NLRP1: variants seen among roughly 807,000 people sequenced by gnomAD.
NLRP1 encodes the protein NACHT, LRR and PYD domains-containing protein 1.
In NLRP1, 94 loss-of-function variants were observed where a neutral mutation model predicts 136.7. That is an observed-to-expected ratio of 0.69 (90% CI 0.58 to 0.82). The LOEUF (loss-of-function observed/expected upper bound fraction) is 0.82. NLRP1 is among the 40% of genes least tolerant of loss of function. The pLI is 0.00. For synonymous variants in NLRP1, 690 were observed against 725.1 expected, an observed-to-expected ratio of 0.95 and a Z score of 0.78; for missense variants, 1,575 against 1,802.7, an observed-to-expected ratio of 0.87 and a Z score of 2.29.
chr17:5,519,033 C>T (rs1908523186), intron 14 of NLRP1, among the ~76,000 whole-genome samples: 1 of 148,626 alleles, frequency 6.7e-6, no homozygotes, highest in Non-Finnish European at 1.5e-5. Context: ...GACGGAGTCT[C>T]GCTCTGTCGC....
chr17:5,503,255 T>C (rs1406453888), intron 15 of NLRP1: 3 of 152,170 alleles, frequency 2.0e-5, no homozygotes, highest in Non-Finnish European at 4.4e-5. Context: ...GGAAGAGCTT[T>C]ATGTAAGGCT....
chr17:5,511,902 T>C (rs1907667210), downstream of NLRP1: 2 of 195,502 alleles, frequency 1.0e-5, no homozygotes, highest in South Asian at 2.8e-4. Context: ...CTGTTGAAAA[T>C]TGTTTTTGAC....
At chr17:5,527,424 A>G (rs1409637725) in intron 12 of NLRP1, among the ~76,000 whole-genome samples, 2 of 152,154 alleles carry the variant, frequency 1.3e-5, no homozygotes, top group African/African-American at 4.8e-5. Flanking sequence ...GGTGAGGCTC[A>G]GAATTTGGTC....
intron 16 of NLRP1, 49 bp downstream of exon 16, chr17:5,515,406 CCCCCAGAACCAGACAGTA>C (rs1422648478): frequency 7.6e-7 from 1 of 1,316,340 alleles, no homozygotes; most frequent in Non-Finnish European, 1.1e-6. Context: ...CTCTTCCCTT[CCCCCAGAACCAGACAGTA>C]CCCCAGAACT....
intron 3 of NLRP1, among the ~76,000 whole-genome samples, chr17:5,580,266 C>A (rs1331382684): frequency 6.6e-6 from 1 of 151,832 alleles, no homozygotes; most frequent in Non-Finnish European, 1.5e-5. Context: ...CAAAAAACAA[C>A]AAACAAAAAA....
At chr17:5,567,649 C>T in intron 3 of NLRP1, among the ~76,000 whole-genome samples, 1 of 152,048 alleles carries the variant, frequency 6.6e-6, no homozygotes, top group East Asian at 1.9e-4. Flanking sequence ...GGTGTACTTA[C>T]TATTATGAGT....
At chr17:5,536,604 C>T (rs1480408694) in intron 8 of NLRP1, among the ~76,000 whole-genome samples, 5 of 152,158 alleles carry the variant, frequency 3.3e-5, no homozygotes, top group Non-Finnish European at 7.3e-5. Context: ...GCACCCGCCA[C>T]CACGCCTGGC....
At chr17:5,581,436 G>A (rs1035881118) in intron 3 of NLRP1, among the ~76,000 whole-genome samples, 16 of 152,172 alleles carry the variant, frequency 1.1e-4, no homozygotes, top group Admixed American at 1.3e-4. Context: ...CAATGTACAC[G>A]TAAAGCCCTG....
At position 5,559,523 on chromosome 17, in the gene NLRP1, A is replaced by G; in HGVS notation, c.1173T>C (p.Thr391=). The G allele has an allele frequency of 6.2e-7, 1 of 1,614,128 alleles. No homozygotes were observed. Among genetic ancestry groups the G allele is most frequent in the Non-Finnish European group, 8.5e-7 (1 of 1,179,984 alleles). ...ACAGGATCTGTCTAATGGGAGCCGGAGTGGCTGTCCCATCTTTTCCGATGA... is the reference window on the plus strand; with the variant it reads ...ACAGGATCTGTCTAATGGGAGCCGGGGTGGCTGTCCCATCTTTTCCGATGA... ...AELIGKDGTA[T]PAPIRQILSR... is the part of the protein sequence containing the mutation. Residue 391 remains threonine (T), a synonymous_variant, in exon 4 of 17, where the codon ACT becomes ACC. Transcript: ENST00000572272.
chr17:5,555,611 C>G (rs1913950357), intron 4 of NLRP1, among the ~76,000 whole-genome samples: 1 of 152,088 alleles, frequency 6.6e-6, no homozygotes, highest in African/African-American at 2.4e-5. Context: ...TTGAAGATTT[C>G]CCACCTGTCC....
downstream of NLRP1, among the ~76,000 whole-genome samples, chr17:5,511,232 A>T (rs1597387951): frequency 6.6e-6 from 1 of 152,018 alleles, no homozygotes; most frequent in South Asian, 2.1e-4. Flanking sequence ...GGAGTTCGAG[A>T]CCAGCCTGGC....
chr17:5,544,008 T>C (rs1380684152), intron 5 of NLRP1, among the ~76,000 whole-genome samples: 1 of 151,938 alleles, frequency 6.6e-6, no homozygotes, highest in Non-Finnish European at 1.5e-5. Flanking sequence ...GTGGTGGCCA[T>C]CTTGAATTTC....
In NLRP1 at chr17:5,515,499, G is replaced by C. The variant is rs199928158; in HGVS notation, c.4076C>G (p.Thr1359Ser). ...TATGCGGGCTGGAGGGATCAGAGTA[G>C]TTGCAGGCATGAGATCTCCTGGAGG... is the stretch of plus-strand genomic sequence containing the variant. ...LVKPGDLMPA[T>S]TLIPPARIAV... is the part of the protein sequence containing the mutation. Residue 1359 changes from threonine to serine, a missense_variant, in exon 16 of 17, where the codon ACT becomes AGT. Coordinates refer to ENST00000572272, the MANE Select transcript of NLRP1 (RefSeq NM_033004.4). 10 of 1,613,760 alleles carry C rather than the reference G, an allele frequency of 6.2e-6. No homozygotes were observed. Among genetic ancestry groups the C allele is most frequent in the Non-Finnish European group, 7.6e-6 (9 of 1,179,648 alleles).
Position 5,583,870 on chromosome 17 carries a change from T to C in NLRP1, c.88A>G (p.Asn30Asp), listed in dbSNP as rs565040043. 5.3e-5 allele frequency: 84 copies of C among 1,587,054 alleles called. No individual in the cohort carries two copies. The South Asian group carries it at 7.9e-4, about 15-fold the overall frequency. ...GAAGAGCTCCTGGAGTGCGCTTTATTGGCGAGCAGAAGCTGGAACTCCTTC... is the reference window on the plus strand; with the variant it reads ...GAAGAGCTCCTGGAGTGCGCTTTATCGGCGAGCAGAAGCTGGAACTCCTTC... Reference protein sequence around the residue: ...ELKEFQLLLANKAHSRSSSGE... With the variant: ...ELKEFQLLLADKAHSRSSSGE... The change falls in exon 1 of 17, where the codon AAT becomes GAT. Residue 30 changes from asparagine (N) to aspartate (D), a missense_variant. Coordinates refer to ENST00000572272, the MANE Select transcript of NLRP1 (RefSeq NM_033004.4). This position sits in a 1 kb window ranked among gnomAD's most constrained non-coding sequence, Gnocchi z 4.5.
downstream of NLRP1, among the ~76,000 whole-genome samples, chr17:5,511,202 G>A (rs148259584): frequency 0.01 from 1,564 of 152,130 alleles, 28 homozygotes; most frequent in African/African-American, 0.035. Flanking sequence ...AGGCCGAGGC[G>A]GGCGGATCAC....
At chr17:5,538,269 GT>G (rs973809399) in intron 7 of NLRP1, among the ~76,000 whole-genome samples, 3 of 152,152 alleles carry the variant, frequency 2.0e-5, no homozygotes, top group African/African-American at 4.8e-5. Context: ...TAGTGTGGGG[GT>G]GGCTCCTCGG....
intron 9 of NLRP1, among the ~76,000 whole-genome samples, chr17:5,533,621 G>C (rs952038122): frequency 8.9e-5 from 13 of 145,608 alleles, no homozygotes; most frequent in Non-Finnish European, 6.0e-5. Flanking sequence ...GGCCTTAGCA[G>C]CCAAGAATGG....
At chr17:5,560,133 A>C in intron 3 of NLRP1, 90 bp from the exon 4 acceptor site, 1 of 1,183,860 alleles carries the variant, frequency 8.4e-7, no homozygotes, top group Non-Finnish European at 1.1e-6. Flanking sequence ...ACCTACTCCA[A>C]GCCACACACT....
intron 14 of NLRP1, 78 bp downstream of exon 14, chr17:5,520,803 C>T: frequency 5.9e-6 from 8 of 1,348,114 alleles, no homozygotes; most frequent in Non-Finnish European, 7.9e-6. Flanking sequence ...TGAGAAAGCC[C>T]TGAGACCTGC....
Sources: allele counts gnomAD v4.1 joint callset (sites outside exome capture counted in the v4.1 genomes callset), GRCh38; gene constraint gnomAD v4.1.1; non-coding constraint Gnocchi (gnomAD v3.1); transcripts MANE v1.5; gene names NCBI Gene and HGNC (gene_info 2026-07-23, HGNC 2026-07-21).